The following TECPR1 variants were observed in gnomAD, a reference collection of about 807,000 sequenced individuals.
The protein encoded by TECPR1 is tectonin beta-propeller repeat containing 1.
A neutral mutation model predicts 162.4 loss-of-function variants in TECPR1; 122 were observed. That is an observed-to-expected ratio of 0.75 (90% confidence interval 0.65 to 0.87). The LOEUF (loss-of-function observed/expected upper bound fraction) is 0.87. TECPR1 is among the 40% of genes least tolerant of loss of function. The pLI is 0.00. For synonymous variants in TECPR1, 642 were observed against 670.6 expected, an observed-to-expected ratio of 0.96 and a Z score of 0.66; for missense variants, 1,432 against 1,618.2, an observed-to-expected ratio of 0.88 and a Z score of 1.97.
intron 23 of TECPR1, among the ~76,000 whole-genome samples, chr7:98,219,545 A>C (rs1368158790): frequency 1.3e-5 from 2 of 152,222 alleles, no homozygotes; most frequent in Admixed American, 6.5e-5. Context: ...CACACACACA[A>C]AAAACAAAAA....
rs371210063 is a variant in TECPR1, at chr7:98,217,678, C to T, written c.3384+14G>A. 14 of 1,532,112 alleles carry T rather than the reference C, an allele frequency of 9.1e-6. No individual in the cohort carries two copies. The highest frequency in any genetic ancestry group is 2.0e-4 in the Middle Eastern group (1 of 5,006). The allele number at this position is 1,532,112 out of a possible 1,614,324, so 94.9% of individuals were successfully genotyped here. On this transcript the variant is annotated intron_variant, in intron 25 of 25. Coordinates refer to ENST00000447648, the MANE Select transcript of TECPR1 (RefSeq NM_015395.3). ...AAGGTGATAACACAGCCCAAGGCCG[C>T]GGGCCCCGCTCACCCCGATGCCGTA...
At chr7:98,218,109 G>A in intron 23 of TECPR1, 67 bp from the exon 24 acceptor site, 1 of 1,336,936 alleles carries the variant, frequency 7.5e-7, no homozygotes, top group South Asian at 1.3e-5. Flanking sequence ...GTGCGGCCCG[G>A]CAGCCGGTGG....
At chr7:98,223,222 C>T (rs1178686899) in intron 20 of TECPR1, 52 bp from the exon 21 acceptor site, 3 of 1,506,322 alleles carry the variant, frequency 2.0e-6, no homozygotes, top group Non-Finnish European at 2.7e-6. Context: ...GACCACCAGG[C>T]TCCAGGGCCT....
At chr7:98,243,273 C>T (rs554509304) in intron 6 of TECPR1, among the ~76,000 whole-genome samples, 194 bp downstream of exon 6, 30 of 151,548 alleles carry the variant, frequency 2.0e-4, no homozygotes, top group Middle Eastern at 3.4e-3. Flanking sequence ...TTGAGGAGGC[C>T]GCATTGATGT....
intron 9 of TECPR1, among the ~76,000 whole-genome samples, chr7:98,237,931 C>G (rs1798642431): frequency 6.6e-6 from 1 of 152,102 alleles, no homozygotes; most frequent in Admixed American, 6.6e-5. Flanking sequence ...CACCACCACA[C>G]TTGGCTAATT....
At chr7:98,225,129 C>T (rs932019184) in intron 17 of TECPR1, 27 bp from the exon 18 acceptor site, 8 of 1,546,944 alleles carry the variant, frequency 5.2e-6, no homozygotes, top group Admixed American at 1.9e-5. Context: ...GGGCAGGTGA[C>T]GAGGGAGACT....
In TECPR1 at chr7:98,251,404, C is replaced by A. The variant is rs1242706722; in HGVS notation, c.-30G>T. ...TCCGCAAGCACTTACTTCCTCTGAG[C>A]CTTAGGAGTCCTACCTAAAAGGTTT... On this transcript the variant is annotated 5_prime_UTR_variant, in exon 2 of 26. Coordinates refer to ENST00000447648, the MANE Select transcript of TECPR1 (RefSeq NM_015395.3). The A allele has an allele frequency of 6.6e-6, 1 of 152,176 alleles. No individual in the cohort carries two copies. The highest frequency in any genetic ancestry group is 2.4e-5 in the African/African-American group (1 of 41,434). The allele number at this position is 152,176 out of a possible 1,614,324, so 9.4% of individuals were successfully genotyped here.
In TECPR1 at chr7:98,233,763, A is replaced by T. The variant is rs771013412; in HGVS notation, c.1330T>A (p.Ser444Thr). 9.9e-6 allele frequency: 16 copies of T among 1,612,626 alleles called. No individual in the cohort carries two copies. Among genetic ancestry groups the T allele is most frequent in the Non-Finnish European group, 1.3e-5 (15 of 1,179,774 alleles). Residue 444 changes from serine to threonine, a missense_variant, in exon 11 of 26, where the codon TCA (serine) becomes ACA (threonine). Coordinates refer to ENST00000447648, the MANE Select transcript of TECPR1 (RefSeq NM_015395.3). Reference sequence around the variant, plus strand: ...CTGCCAGCCCCCAGGCCTGAGGCTGAGTTCCCTGTGGCATTCTTGGAATCG... The same window carrying T: ...CTGCCAGCCCCCAGGCCTGAGGCTGTGTTCCCTGTGGCATTCTTGGAATCG... The part of the protein sequence containing the change: ...LDDSKNATGN[S>T]ASGLGAGRTA...
In TECPR1 at chr7:98,243,451, G is replaced by A; in HGVS notation, c.657+16C>T. On this transcript the variant is annotated intron_variant, in intron 6 of 25. Transcript: ENST00000447648. Reference sequence around the variant, plus strand: ...GGATCGTGGGGAGCCAGGGCAGGGAGAGGGGTTGGCCTTACCTTGCCCTGC... The same window carrying A: ...GGATCGTGGGGAGCCAGGGCAGGGAAAGGGGTTGGCCTTACCTTGCCCTGC... 1.9e-6 allele frequency: 3 copies of A among 1,611,682 alleles called. No homozygotes were observed. Among genetic ancestry groups the A allele is most frequent in the Non-Finnish European group, 2.5e-6 (3 of 1,179,644 alleles).
Position 98,225,082 on chromosome 7 carries a change from T to C in TECPR1, c.2534A>G (p.Tyr845Cys). 1 of 1,569,044 alleles carries C rather than the reference T, an allele frequency of 6.4e-7. No homozygotes were observed. The highest frequency in any genetic ancestry group is 8.6e-7 in the Non-Finnish European group (1 of 1,159,092). Residue 845 changes from tyrosine to cysteine, a missense_variant, in exon 18 of 26, where the codon TAC becomes TGC. Tyr to Cys is a radical substitution (Grantham distance 194). Coordinates refer to ENST00000447648, the MANE Select transcript of TECPR1 (RefSeq NM_015395.3). Reference protein sequence around the residue: ...YTSRGLPTDRYMWSDASGLQE... With the variant: ...YTSRGLPTDRCMWSDASGLQE... ...CAGCCCCGAGGCATCGCTCCACATG[T>C]ACCGGTCCGTGGGCAGACCCCTGCG...
chr7:98,240,771 A>T (rs1326925142), intron 8 of TECPR1, 80 bp downstream of exon 8: 13 of 1,191,394 alleles, frequency 1.1e-5, no homozygotes, highest in African/African-American at 1.5e-5. Flanking sequence ...CCCAGGCTGG[A>T]GTCCAGTGGT....
chr7:98,228,026 C>G lies in TECPR1; in HGVS notation c.2501G>C (p.Gly834Ala). The G allele has an allele frequency of 6.2e-7, 1 of 1,612,284 alleles. No homozygotes were observed. Among genetic ancestry groups the G allele is most frequent in the Non-Finnish European group, 8.5e-7 (1 of 1,179,336 alleles). ...YENQRWNPVT[G>A]YTSRGLPTDR... ...CTGTGCCACTTACCTGCTGGTGTAG[C>G]CTGTGACGGGGTTCCAGCGCTGGTT... Residue 834 changes from glycine (G) to alanine (A), a missense_variant, in exon 17 of 26, where the codon GGC becomes GCC. Coordinates refer to ENST00000447648, the MANE Select transcript of TECPR1 (RefSeq NM_015395.3).
At chr7:98,248,916 G>A (rs1405701284) in intron 2 of TECPR1, among the ~76,000 whole-genome samples, 13 of 147,446 alleles carry the variant, frequency 8.8e-5, no homozygotes, top group Admixed American at 6.8e-4. Flanking sequence ...TTTTGACAGA[G>A]TCTTCCTCTA....
In TECPR1 at chr7:98,232,890, C is replaced by A; in HGVS notation, c.1755G>T (p.Gln585His). Residue 585 changes from glutamine to histidine, a missense_variant, in exon 12 of 26, where the codon CAG becomes CAT. By Grantham distance (24) the Gln-to-His change is conservative. Coordinates refer to ENST00000447648, the MANE Select transcript of TECPR1 (RefSeq NM_015395.3). This position sits in a 1 kb window ranked among gnomAD's most constrained non-coding sequence, Gnocchi z 4.6. The part of the protein sequence containing the change: ...TAAWRKQIFQ[Q>H]LTERTKRELE... ...GCTCCCGCTTGGTCCTTTCCGTGAG[C>A]TGCTGGAAGATCTGCTTCCTCCAGG... The A allele has an allele frequency of 3.1e-6, 5 of 1,612,994 alleles. No homozygotes were observed. The highest frequency in any genetic ancestry group is 4.2e-6 in the Non-Finnish European group (5 of 1,179,800).
In TECPR1 at chr7:98,236,916, C is replaced by A; in HGVS notation, c.1041G>T (p.Trp347Cys). The A allele has an allele frequency of 6.4e-7, 1 of 1,556,346 alleles. No homozygotes were observed. The highest frequency in any genetic ancestry group is 1.2e-5 in the South Asian group (1 of 83,174). Residue 347 changes from tryptophan to cysteine, a missense_variant, in exon 10 of 26, where the codon TGG becomes TGT. Transcript: ENST00000447648. ...MVNVGMNDQV[W>C]GIGCEDRAVY... ...CGGCTCGGTCCTCACAGCCAATGCC[C>A]CACACCTGGAAGAGAGAGGCTGTGT...
intron 17 of TECPR1, among the ~76,000 whole-genome samples, chr7:98,227,096 A>C (rs1798295454): frequency 6.6e-6 from 1 of 152,186 alleles, no homozygotes; most frequent in Non-Finnish European, 1.5e-5. Flanking sequence ...TCAAAGCTCC[A>C]GTATAGAAAA....
intron 10 of TECPR1, among the ~76,000 whole-genome samples, chr7:98,235,841 A>AC (rs1562940352): frequency 8.1e-6 from 1 of 123,090 alleles, no homozygotes; most frequent in African/African-American, 2.7e-5. Flanking sequence ...AAAAAAAAAA[A>AC]AAAAAAAAAA....
At position 98,231,922 on chromosome 7, in the gene TECPR1, C is replaced by T. The variant is rs755521214; in HGVS notation, c.1856G>A (p.Cys619Tyr). The change falls in exon 13 of 26, where the codon TGC (cysteine) becomes TAC (tyrosine). Residue 619 changes from cysteine to tyrosine, a missense_variant. Cys to Tyr is a radical substitution (Grantham distance 194). Coordinates refer to ENST00000447648, the MANE Select transcript of TECPR1 (RefSeq NM_015395.3). The part of the protein sequence containing the change: ...WVKTGALQWW[C>Y]DWKPHKWVDV... Reference sequence around the variant, plus strand: ...CACCCACTTGTGGGGCTTCCAGTCGCACCACCACTGCAGCGCCCCGGTCTT... The same window carrying T: ...CACCCACTTGTGGGGCTTCCAGTCGTACCACCACTGCAGCGCCCCGGTCTT... The T allele has an allele frequency of 1.2e-6, 2 of 1,609,304 alleles. No homozygotes were observed. The highest frequency in any genetic ancestry group is 2.2e-5 in the East Asian group (1 of 44,858).
intron 16 of TECPR1, 39 bp from the exon 17 acceptor site, chr7:98,228,155 C>T (rs752628035): frequency 2.1e-5 from 32 of 1,493,710 alleles, no homozygotes; most frequent in African/African-American, 1.5e-4. Flanking sequence ...AGGCCACATA[C>T]GCTCCGCTTG....
Sources: gnomAD v4.1 joint callset for allele counts (sites outside exome capture counted in the v4.1 genomes callset) on GRCh38, gnomAD v4.1.1 for gene constraint, Gnocchi (gnomAD v3.1) non-coding constraint, MANE v1.5 for transcripts, NCBI Gene and HGNC (gene_info 2026-07-23, HGNC 2026-07-21) for gene names.